Variants in PTPRD observed in about 807,000 individuals in gnomAD.
PTPRD encodes the protein protein tyrosine phosphatase receptor type D.
A neutral mutation model predicts 214.5 loss-of-function variants in PTPRD; 34 were observed. The observed-to-expected ratio is 0.16, with a 90% confidence interval of 0.12 to 0.21. The LOEUF is 0.21. PTPRD is among the 10% of genes least tolerant of loss of function. The pLI, the probability that PTPRD is intolerant of heterozygous loss-of-function variation, is 1.00. For missense variants in PTPRD, 2,545 were observed against 2,398.7 expected, an observed-to-expected ratio of 1.06 and a Z score of -1.27; for synonymous variants, 1,128 against 845.7, an observed-to-expected ratio of 1.33 and a Z score of -5.79.
intron 2 of PTPRD, among the ~76,000 whole-genome samples, chr9:10,423,076 C>G (rs1021291251): frequency 6.6e-6 from 1 of 152,032 alleles, no homozygotes; most frequent in Non-Finnish European, 1.5e-5. Flanking sequence ...CAATGATAGA[C>G]TGGATTAAGA....
intron 7 of PTPRD, among the ~76,000 whole-genome samples, chr9:9,703,963 C>T (rs1016723922): frequency 6.6e-6 from 1 of 152,150 alleles, no homozygotes; most frequent in African/African-American, 2.4e-5. Flanking sequence ...CCACTCACTG[C>T]AGCCCTGATC....
chr9:10,251,195 G>C (rs920144479), intron 3 of PTPRD, among the ~76,000 whole-genome samples: 5 of 151,930 alleles, frequency 3.3e-5, no homozygotes, highest in African/African-American at 7.3e-5. Context: ...GTCTATTTTG[G>C]ACAACCCTTA....
At chr9:10,232,550 T>C (rs1366423563) in intron 3 of PTPRD, among the ~76,000 whole-genome samples, 2 of 151,982 alleles carry the variant, frequency 1.3e-5, no homozygotes, top group Non-Finnish European at 1.5e-5. Flanking sequence ...CAAAATGTGC[T>C]TCCAGCAGAT....
At chr9:10,563,369 A>G (rs2064592860) in intron 2 of PTPRD, among the ~76,000 whole-genome samples, 1 of 152,170 alleles carries the variant, frequency 6.6e-6, no homozygotes, top group Non-Finnish European at 1.5e-5. Context: ...AATGAGAAAA[A>G]AAGAGACAGA....
At chr9:8,757,890 T>C (rs1024294985) in intron 11 of PTPRD, among the ~76,000 whole-genome samples, 3 of 152,174 alleles carry the variant, frequency 2.0e-5, no homozygotes, top group Admixed American at 2.0e-4. Context: ...TTGGGATCTC[T>C]ATCTATATAA....
rs66705572 is a variant in PTPRD, at chr9:10,466,623, C to CA, written c.-599-125607dup. On this transcript the variant is annotated intron_variant, in intron 2 of 45. Transcript: ENST00000381196. ...GGGCAACAAGAGCGAAACTCCAACTCAAAAAAAAAAAAAAAAAAAAAAAAA... is the reference window on the plus strand; with the variant it reads ...GGGCAACAAGAGCGAAACTCCAACTCAAAAAAAAAAAAAAAAAAAAAAAAAA... Among the ~76,000 whole-genome samples the CA allele has an allele frequency of 1.3e-3, 97 of 76,858 alleles. 3 individuals carry two copies. The highest frequency in any genetic ancestry group is 4.6e-3 in the African/African-American group (80 of 17,270). 50.4% of individuals were successfully genotyped at this position (76,858 alleles called of 152,430 possible).
At chr9:9,832,032 T>C (rs188291758) in intron 5 of PTPRD, among the ~76,000 whole-genome samples, 13 of 152,092 alleles carry the variant, frequency 8.5e-5, no homozygotes, top group African/African-American at 3.1e-4. Context: ...ATGTTGGAGA[T>C]GACATTTTAT....
chr9:9,121,084 A>C (rs991628753), intron 10 of PTPRD, among the ~76,000 whole-genome samples: 2 of 152,232 alleles, frequency 1.3e-5, no homozygotes, highest in Non-Finnish European at 2.9e-5. Flanking sequence ...TCCAATTTTC[A>C]GTTCAAATAC....
chr9:9,646,565 GT>G (rs1387005450), intron 7 of PTPRD, among the ~76,000 whole-genome samples: 1 of 151,932 alleles, frequency 6.6e-6, no homozygotes, highest in Non-Finnish European at 1.5e-5. Flanking sequence ...GAATCAATGT[GT>G]TTTTCAACAA....
At chr9:8,854,778 T>G (rs1270247641) in intron 11 of PTPRD, among the ~76,000 whole-genome samples, 2 of 152,216 alleles carry the variant, frequency 1.3e-5, no homozygotes, top group African/African-American at 4.8e-5. Context: ...CAAAGCTACT[T>G]TAATCACATC....
intron 2 of PTPRD, among the ~76,000 whole-genome samples, chr9:10,591,840 GC>G (rs1163554534): frequency 1.3e-5 from 2 of 152,032 alleles, no homozygotes; most frequent in African/African-American, 4.8e-5. Context: ...GTCACAGGCA[GC>G]CCTAGCAAGC....
chr9:10,546,321 C>G (rs77727762), intron 2 of PTPRD, among the ~76,000 whole-genome samples: 4,422 of 151,946 alleles, frequency 0.029, 181 homozygotes, highest in African/African-American at 0.098. Flanking sequence ...TTCCTCATGT[C>G]TCCATGAAGG....
At chr9:10,611,054 C>T (rs1447914090) in intron 2 of PTPRD, among the ~76,000 whole-genome samples, 1 of 152,064 alleles carries the variant, frequency 6.6e-6, no homozygotes, top group Non-Finnish European at 1.5e-5. Context: ...TAATAATAAG[C>T]TGCTTTATTG....
intron 3 of PTPRD, among the ~76,000 whole-genome samples, chr9:10,254,001 T>C (rs2093022564): frequency 6.6e-6 from 1 of 152,184 alleles, no homozygotes; most frequent in Non-Finnish European, 1.5e-5. Flanking sequence ...AATACATATG[T>C]AATTATGTTG....
At chr9:8,699,534 G>T (rs1340957407) in intron 12 of PTPRD, among the ~76,000 whole-genome samples, 1 of 152,024 alleles carries the variant, frequency 6.6e-6, no homozygotes, top group Non-Finnish European at 1.5e-5. Flanking sequence ...TGACTCCATT[G>T]GACAAGTTTG....
At chr9:9,796,418 G>A (rs540604772) in intron 5 of PTPRD, among the ~76,000 whole-genome samples, 1 of 152,204 alleles carries the variant, frequency 6.6e-6, no homozygotes, top group Non-Finnish European at 1.5e-5. Context: ...AGAAATATCC[G>A]GGAGGAGGTT....
intron 2 of PTPRD, among the ~76,000 whole-genome samples, chr9:10,351,470 T>C (rs1226041508): frequency 6.6e-6 from 1 of 152,048 alleles, no homozygotes; most frequent in Non-Finnish European, 1.5e-5. Flanking sequence ...TGGGACCTCT[T>C]ACTCACCATT....
intron 2 of PTPRD, among the ~76,000 whole-genome samples, chr9:10,502,118 T>C (rs1162501881): frequency 6.6e-6 from 1 of 151,790 alleles, no homozygotes; most frequent in Non-Finnish European, 1.5e-5. Context: ...AAAACAAACA[T>C]TTCATGGTGA....
At chr9:9,665,134 G>A (rs1195560633) in intron 7 of PTPRD, among the ~76,000 whole-genome samples, 1 of 151,522 alleles carries the variant, frequency 6.6e-6, no homozygotes, top group Non-Finnish European at 1.5e-5. Context: ...GAGAGAGAGA[G>A]GGGTGAGGAA....
Sources: allele counts gnomAD v4.1 joint callset (sites outside exome capture counted in the v4.1 genomes callset), GRCh38; gene constraint gnomAD v4.1.1; transcripts MANE v1.5; gene names NCBI Gene and HGNC (gene_info 2026-07-23, HGNC 2026-07-21).